Variants in PCSK6 observed in about 807,000 individuals in gnomAD.
PCSK6 encodes paired basic amino acid cleaving enzyme 4.
Under a neutral mutation model 123.3 loss-of-function variants are expected in PCSK6, and 85 were observed. That is an observed-to-expected ratio of 0.69 (90% CI 0.58 to 0.83). The LOEUF is 0.83. PCSK6 is among the 40% of genes least tolerant of loss of function. PCSK6 has a pLI of 0.00. For synonymous variants in PCSK6, 508 were observed against 516.0 expected (o/e 0.98, Z 0.21); for missense variants, 1,191 against 1,282.3 (o/e 0.93, Z 1.09).
At chr15:101,485,873 C>A (rs949379994) in intron 1 of PCSK6, among the ~76,000 whole-genome samples, 1 of 151,762 alleles carries the variant, frequency 6.6e-6, no homozygotes, top group Non-Finnish European at 1.5e-5. Context: ...AACTAGATTA[C>A]ATTGAATTTG....
chr15:101,427,918 C>T lies in PCSK6; in HGVS notation c.797G>A (p.Gly266Asp), dbSNP rs868234767. The change falls in exon 6 of 22, where the codon GGC (glycine) becomes GAC (aspartate). Residue 266 changes from glycine (G) to aspartate (D), a missense_variant. Around this residue, in one of 3 missense-constraint regions of PCSK6, gnomAD observed 357 missense variants for 484.5 expected, o/e 0.74. Coordinates refer to ENST00000611716, the MANE Select transcript of PCSK6 (RefSeq NM_002570.5). Reference protein sequence around the residue: ...ASANNSYCIVGIAYNAKIGGI... With the variant: ...ASANNSYCIVDIAYNAKIGGI... ...TCCTATTTTGGCATTGTACGCTATG[C>T]CCACGATGCAGTAGGAATTGTTTGC... The T allele has an allele frequency of 1.3e-6, 2 of 1,585,188 alleles. No homozygotes were observed. The highest frequency in any genetic ancestry group is 1.7e-6 in the Non-Finnish European group (2 of 1,165,436).
chr15:101,400,692 A>C (rs759785861), intron 6 of PCSK6, among the ~76,000 whole-genome samples: 2 of 152,134 alleles, frequency 1.3e-5, no homozygotes, highest in Non-Finnish European at 2.9e-5. Context: ...TTTGATGGAA[A>C]CTGCTGGGCA....
chr15:101,345,288 G>A (rs190767195), intron 13 of PCSK6, among the ~76,000 whole-genome samples: 150 of 152,216 alleles, frequency 9.9e-4, no homozygotes, highest in African/African-American at 3.1e-3. Context: ...AAAAGTCCAC[G>A]ACATCTTTTA....
rs2040380396 is a variant in PCSK6, at chr15:101,331,958, C to T, written c.1932G>A (p.Gln644=). The change falls in exon 14 of 22, where the codon CAG becomes CAA. Residue 644 remains glutamine, a synonymous_variant. Coordinates refer to ENST00000611716, the MANE Select transcript of PCSK6 (RefSeq NM_002570.5). ...AGAGCTCCAGCATCCGCGAGCGGGA[C>T]TGATGGGCACTGAAGGTGTGGTACG... ...EHPYHTFSAH[Q]SRSRMLELSA... 4 of 1,613,822 alleles carry T rather than the reference C, an allele frequency of 2.5e-6. No homozygotes were observed. The highest frequency in any genetic ancestry group is 3.4e-6 in the Non-Finnish European group (4 of 1,179,840).
At chr15:101,403,124 A>G (rs1395853050) in intron 6 of PCSK6, among the ~76,000 whole-genome samples, 1 of 151,964 alleles carries the variant, frequency 6.6e-6, no homozygotes, top group Non-Finnish European at 1.5e-5. Context: ...CTTTGTAGGG[A>G]CATGGATGAA....
At chr15:101,456,790 C>T (rs770997438) in intron 1 of PCSK6, among the ~76,000 whole-genome samples, 6 of 152,148 alleles carry the variant, frequency 3.9e-5, no homozygotes, top group Non-Finnish European at 8.8e-5. Context: ...GGGGAATACA[C>T]AAGGTGAGGG....
chr15:101,459,428 C>T (rs2057277256), intron 1 of PCSK6, among the ~76,000 whole-genome samples: 1 of 150,902 alleles, frequency 6.6e-6, no homozygotes, highest in African/African-American at 2.4e-5. Context: ...CTCCGCGTCT[C>T]CTCTCCCTAA....
chr15:101,412,587 G>A (rs1363385996), intron 6 of PCSK6, among the ~76,000 whole-genome samples: 1 of 150,942 alleles, frequency 6.6e-6, no homozygotes, highest in African/African-American at 2.4e-5. Context: ...GATATAAAGA[G>A]GAACCAAGTA....
chr15:101,344,360 C>G (rs1003289982), intron 13 of PCSK6, among the ~76,000 whole-genome samples: 4 of 152,170 alleles, frequency 2.6e-5, no homozygotes, highest in African/African-American at 9.7e-5. Flanking sequence ...ACTTTTAGAA[C>G]TGAACTAAAC....
At chr15:101,462,427 G>A (rs2057360339) in intron 1 of PCSK6, among the ~76,000 whole-genome samples, 1 of 152,166 alleles carries the variant, frequency 6.6e-6, no homozygotes, top group Non-Finnish European at 1.5e-5. Context: ...AACTTGTCAA[G>A]TTGATTCAAA....
chr15:101,426,793 C>T (rs1347541288), intron 6 of PCSK6, among the ~76,000 whole-genome samples: 1 of 151,660 alleles, frequency 6.6e-6, no homozygotes, highest in Non-Finnish European at 1.5e-5. Flanking sequence ...AAAGTGGCTG[C>T]AGCCACCCTC....
chr15:101,343,657 C>G lies in PCSK6; in HGVS notation c.1859-11626G>C, dbSNP rs939308417. On this transcript the variant is annotated intron_variant, in intron 13 of 21. Transcript: ENST00000611716. ...AAATGTATGGAAACTTTCTAATTATCTTTTTGATTTTGATTTCTAACTTAA... is the reference window on the plus strand; with the variant it reads ...AAATGTATGGAAACTTTCTAATTATGTTTTTGATTTTGATTTCTAACTTAA... 2.0e-5 allele frequency among the ~76,000 whole-genome samples: 3 copies of G among 152,146 alleles called. No individual in the cohort carries two copies. The East Asian group carries it at 5.8e-4, about 29-fold the overall frequency.
chr15:101,401,902 A>T (rs532353633), intron 6 of PCSK6, among the ~76,000 whole-genome samples: 1 of 152,112 alleles, frequency 6.6e-6, no homozygotes, highest in Non-Finnish European at 1.5e-5. Context: ...CTTTCTTCAC[A>T]GAATTGGAAA....
intron 1 of PCSK6, among the ~76,000 whole-genome samples, chr15:101,484,341 C>T (rs746455616): frequency 7.4e-4 from 113 of 152,170 alleles, no homozygotes; most frequent in Non-Finnish European, 1.3e-3. Flanking sequence ...CATCTATAAG[C>T]ATCCATAATT....
chr15:101,405,667 A>G (rs1408694038), intron 6 of PCSK6, among the ~76,000 whole-genome samples: 1 of 149,912 alleles, frequency 6.7e-6, no homozygotes, highest in Non-Finnish European at 1.5e-5. Flanking sequence ...ATGATTTTAC[A>G]ACTCACTTAG....
At chr15:101,340,519 A>G (rs1596202151) in intron 13 of PCSK6, among the ~76,000 whole-genome samples, 1 of 152,216 alleles carries the variant, frequency 6.6e-6, no homozygotes, top group South Asian at 2.1e-4. Flanking sequence ...AACTCTTACA[A>G]GGTTTATAAC....
chr15:101,336,444 C>T (rs754105528), intron 13 of PCSK6, among the ~76,000 whole-genome samples: 14 of 152,312 alleles, frequency 9.2e-5, no homozygotes, highest in South Asian at 4.1e-4. Context: ...ACATGTCACA[C>T]GTCAAAAGGA....
intron 6 of PCSK6, among the ~76,000 whole-genome samples, chr15:101,399,952 G>T (rs922071569): frequency 1.3e-5 from 2 of 152,202 alleles, no homozygotes; most frequent in Non-Finnish European, 2.9e-5. Context: ...TCTTCTGATT[G>T]TAAGAATAGT....
At chr15:101,357,379 G>A (rs1465890648) in intron 13 of PCSK6, among the ~76,000 whole-genome samples, 1 of 152,206 alleles carries the variant, frequency 6.6e-6, no homozygotes, top group Non-Finnish European at 1.5e-5. Context: ...CGATGCTGAC[G>A]ATGCTGACCA....
Sources: gnomAD v4.1 joint callset for allele counts (sites outside exome capture counted in the v4.1 genomes callset) on GRCh38, gnomAD v4.1.1 for gene constraint, gnomAD v4.1.1 regional missense constraint, MANE v1.5 for transcripts, NCBI Gene and HGNC (gene_info 2026-07-23, HGNC 2026-07-21) for gene names.